KDM4C: variants seen among roughly 807,000 people sequenced by gnomAD.
The protein encoded by KDM4C is lysine-specific demethylase 4C.
A neutral mutation model predicts 129.3 loss-of-function variants in KDM4C; 81 were observed. That is an observed-to-expected ratio of 0.63 (90% CI 0.52 to 0.75). The LOEUF (loss-of-function observed/expected upper bound fraction) is 0.75. Ranked by LOEUF, KDM4C falls within the 30% of genes least tolerant of loss-of-function variation. The pLI is 0.00. For synonymous variants in KDM4C, 573 were observed against 456.1 expected (o/e 1.26, Z -3.26); for missense variants, 1,457 against 1,304.0 (o/e 1.12, Z -1.81).
At chr9:6,795,652 T>G (rs1228190355) in intron 2 of KDM4C, among the ~76,000 whole-genome samples, 1 of 152,008 alleles carries the variant, frequency 6.6e-6, no homozygotes, top group Non-Finnish European at 1.5e-5. Flanking sequence ...TTAAAGTTCA[T>G]GCCCTTCCTA....
In KDM4C at chr9:6,790,837, G is replaced by C. The variant is rs145034999; in HGVS notation, c.-17-2135G>C. On this transcript the variant is annotated intron_variant, in intron 1 of 21. Coordinates refer to ENST00000381309, the MANE Select transcript of KDM4C (RefSeq NM_015061.6). The stretch of plus-strand genomic sequence containing the variant: ...CATTCTGTGTGCCTGTCTCATGATA[G>C]GTGCTCAATAAATGTTTGCTGAAGG... Among the ~76,000 whole-genome samples the C allele has an allele frequency of 5.5e-3, 838 of 152,126 alleles. 7 individuals are homozygous for C. Among genetic ancestry groups the C allele is most frequent in the Middle Eastern group, 0.01 (3 of 294 alleles).
chr9:7,005,648 C>G (rs1821532588), intron 12 of KDM4C, among the ~76,000 whole-genome samples: 1 of 152,130 alleles, frequency 6.6e-6, no homozygotes, highest in African/African-American at 2.4e-5. Context: ...TGACTGAACC[C>G]CCACAGACCT....
chr9:6,811,072 CAG>C (rs1331211573), intron 3 of KDM4C, among the ~76,000 whole-genome samples: 1 of 152,162 alleles, frequency 6.6e-6, no homozygotes, highest in African/African-American at 2.4e-5. Context: ...CTTGTCAACA[CAG>C]AGCTGTGCCA....
At chr9:6,855,156 A>G (rs1433730601) in intron 5 of KDM4C, among the ~76,000 whole-genome samples, 1 of 152,194 alleles carries the variant, frequency 6.6e-6, no homozygotes, top group Non-Finnish European at 1.5e-5. Flanking sequence ...TTGTATTAAT[A>G]AGTGTTCTTG....
intron 12 of KDM4C, among the ~76,000 whole-genome samples, chr9:6,994,705 A>C (rs900716132): frequency 6.6e-6 from 1 of 152,214 alleles, no homozygotes; most frequent in African/African-American, 2.4e-5. Flanking sequence ...ACATACTGTC[A>C]TATTAAAAGA....
At chr9:7,050,336 T>G (rs1231474833) in intron 17 of KDM4C, among the ~76,000 whole-genome samples, 1 of 150,002 alleles carries the variant, frequency 6.7e-6, no homozygotes, top group Non-Finnish European at 1.5e-5. Context: ...GCCATTTAAA[T>G]GGCCCTCTAA....
intron 8 of KDM4C, among the ~76,000 whole-genome samples, chr9:6,899,359 A>T (rs755646501): frequency 6.6e-6 from 1 of 151,932 alleles, no homozygotes; most frequent in Non-Finnish European, 1.5e-5. Context: ...AGTTTTTTTT[A>T]AACTTTTATT....
At chr9:7,033,922 C>T (rs1454394472) in intron 15 of KDM4C, among the ~76,000 whole-genome samples, 1 of 151,954 alleles carries the variant, frequency 6.6e-6, no homozygotes. Context: ...AGAGAGATCC[C>T]CAGGAAGAGT....
At chr9:6,759,717 C>T (rs1443884344) in intron 1 of KDM4C, among the ~76,000 whole-genome samples, 3 of 151,970 alleles carry the variant, frequency 2.0e-5, no homozygotes, top group East Asian at 3.9e-4. Flanking sequence ...CTTTGGGAGG[C>T]CGAGGCGGGT....
At chr9:6,882,744 G>T (rs1844645864) in intron 6 of KDM4C, among the ~76,000 whole-genome samples, 1 of 151,500 alleles carries the variant, frequency 6.6e-6, no homozygotes, top group Non-Finnish European at 1.5e-5. Context: ...TGCTACCAAG[G>T]GTTAGTTTAG....
intron 5 of KDM4C, among the ~76,000 whole-genome samples, chr9:6,871,208 C>G (rs1269464469): frequency 6.6e-6 from 1 of 152,118 alleles, no homozygotes; most frequent in African/African-American, 2.4e-5. Flanking sequence ...AGGGCAGTTC[C>G]TAGAGAAAAC....
chr9:7,031,463 T>G (rs1257182471), intron 15 of KDM4C, among the ~76,000 whole-genome samples: 3 of 152,058 alleles, frequency 2.0e-5, no homozygotes, highest in African/African-American at 7.2e-5. Flanking sequence ...ACCTGGCCAG[T>G]TTTTTTAAAA....
chr9:6,722,479 G>C (rs1450052464), intron 1 of KDM4C, among the ~76,000 whole-genome samples: 1 of 151,720 alleles, frequency 6.6e-6, no homozygotes, highest in Non-Finnish European at 1.5e-5. Flanking sequence ...GGAGTTTGAC[G>C]CAAGCCTGAG....
intron 18 of KDM4C, among the ~76,000 whole-genome samples, chr9:7,123,578 C>T (rs1039760565): frequency 1.3e-5 from 2 of 152,168 alleles, no homozygotes; most frequent in Non-Finnish European, 2.9e-5. Flanking sequence ...CTGTCAGGAA[C>T]AGTGTTACAG....
chr9:6,734,063 C>T (rs1000492533), intron 1 of KDM4C, among the ~76,000 whole-genome samples: 6 of 152,210 alleles, frequency 3.9e-5, no homozygotes, highest in East Asian at 1.9e-4. Flanking sequence ...ATGCGTTAAC[C>T]GTCTGAGAAT....
chr9:7,003,540 G>C (rs901400000), intron 12 of KDM4C, among the ~76,000 whole-genome samples: 2 of 149,280 alleles, frequency 1.3e-5, no homozygotes, highest in Admixed American at 1.3e-4. Flanking sequence ...AAATACTTTT[G>C]TATCAGTGTT....
chr9:6,817,857 C>T (rs1832412244), intron 4 of KDM4C, among the ~76,000 whole-genome samples: 1 of 148,066 alleles, frequency 6.8e-6, no homozygotes, highest in Admixed American at 6.9e-5. Flanking sequence ...ACCTGTGACT[C>T]CTTGGTTTAA....
chr9:6,797,211 T>G (rs971913085), intron 2 of KDM4C, among the ~76,000 whole-genome samples: 16 of 152,062 alleles, frequency 1.1e-4, no homozygotes, highest in South Asian at 8.3e-4. Context: ...GGTCTTGAAC[T>G]CCTGAGCTCA....
At position 6,964,654 on chromosome 9, in the gene KDM4C, C is replaced by T. The variant is rs554649364; in HGVS notation, c.922-16271C>T. ...AAAATTAGCCGGGTGTGGTGGTGGG[C>T]GCCTGTAGTCCCAGCTACTCGTGAG... On this transcript the variant is annotated intron_variant, in intron 8 of 21. Coordinates refer to ENST00000381309, the MANE Select transcript of KDM4C (RefSeq NM_015061.6). Among the ~76,000 whole-genome samples the T allele has an allele frequency of 6.8e-4, 103 of 151,902 alleles. 2 individuals carry two copies. The highest frequency in any genetic ancestry group is 4.1e-3 in the Admixed American group (63 of 15,244).
Sources: gnomAD v4.1 joint callset for allele counts (sites outside exome capture counted in the v4.1 genomes callset) on GRCh38, gnomAD v4.1.1 for gene constraint, MANE v1.5 for transcripts, NCBI Gene and HGNC (gene_info 2026-07-23, HGNC 2026-07-21) for gene names.